Variants in TSHZ3 observed in about 807,000 individuals in gnomAD.
TSHZ3 encodes the protein teashirt zinc finger homeobox 3, also known as teashirt homolog 3.
In TSHZ3, 10 loss-of-function variants were observed where a neutral mutation model predicts 64.5. The ratio of observed to expected loss-of-function variants is 0.16; its 90% CI spans 0.10 to 0.26. The LOEUF (loss-of-function observed/expected upper bound fraction) is 0.26, where lower values mean the gene tolerates loss of function less well. Among genes scored for constraint, TSHZ3 ranks in the 10% least tolerant of loss-of-function variants. The pLI is 1.00. For missense variants in TSHZ3, 1,242 were observed against 1,421.7 expected (o/e 0.87, Z 2.03); for synonymous variants, 608 against 593.1 (o/e 1.03, Z -0.36).
rs1349481588 is a variant in TSHZ3 at position 31,294,837 on chromosome 19, G to A, written c.41-15085C>T. On this transcript the variant is annotated intron_variant, in intron 1 of 1. Coordinates refer to ENST00000240587, the MANE Select transcript of TSHZ3 (RefSeq NM_020856.4). ...CTTACCATCCATCACAAGGAAGAGA[G>A]ACAGAAAAGAGAGAGAGAAAAGAAA... 2.6e-5 allele frequency among the ~76,000 whole-genome samples: 4 copies of A among 152,122 alleles called. 1 individual carries two copies. Among genetic ancestry groups the A allele is most frequent in the Non-Finnish European group, 4.4e-5 (3 of 68,028 alleles).
intron 1 of TSHZ3, among the ~76,000 whole-genome samples, chr19:31,329,742 G>C (rs964379453): frequency 1.6e-4 from 24 of 152,216 alleles, no homozygotes; most frequent in African/African-American, 5.8e-4. Context: ...TGTGGAGAGA[G>C]AGGCAGGAAC....
intron 1 of TSHZ3, 200 bp downstream of exon 1, chr19:31,348,980 A>C: frequency 6.6e-6 from 4 of 604,272 alleles, no homozygotes; most frequent in South Asian, 2.3e-5. Flanking sequence ...GCGAGAGGGA[A>C]GAGGGCAGAG....
chr19:31,176,877 A>G (rs2145121128), intron 5 of TSHZ3, among the ~76,000 whole-genome samples: 1 of 152,336 alleles, frequency 6.6e-6, no homozygotes, highest in African/African-American at 2.4e-5. Flanking sequence ...GGAAGGACAG[A>G]AAGTACCAAG....
intron 3 of TSHZ3, among the ~76,000 whole-genome samples, chr19:31,240,393 T>A (rs1212918342): frequency 6.6e-6 from 1 of 152,086 alleles, no homozygotes; most frequent in African/African-American, 2.4e-5. Flanking sequence ...TTGAAAAAAA[T>A]CAAAAATTCT....
At chr19:31,290,873 C>T (rs997378006) in intron 1 of TSHZ3, among the ~76,000 whole-genome samples, 7 of 152,188 alleles carry the variant, frequency 4.6e-5, no homozygotes, top group Non-Finnish European at 8.8e-5. Context: ...TGACAACCTC[C>T]CCTAGATTGA....
intron 4 of TSHZ3, among the ~76,000 whole-genome samples, chr19:31,210,697 G>A (rs373313568): frequency 3.1e-4 from 47 of 152,190 alleles, no homozygotes; most frequent in African/African-American, 1.0e-3. Flanking sequence ...AGGAACCCAC[G>A]CGTACCACCA....
At chr19:31,341,995 A>G (rs1917451659) in intron 1 of TSHZ3, among the ~76,000 whole-genome samples, 1 of 152,244 alleles carries the variant, frequency 6.6e-6, no homozygotes, top group Non-Finnish European at 1.5e-5. Context: ...ACTGTCACCT[A>G]TGACCAAAAA....
chr19:31,174,456 A>G (rs1974581011), intron 5 of TSHZ3, among the ~76,000 whole-genome samples: 1 of 152,208 alleles, frequency 6.6e-6, no homozygotes, highest in Non-Finnish European at 1.5e-5. Context: ...CTAATAATTT[A>G]AATGTTAATC....
chr19:31,187,109 G>C (rs1170044629), intron 5 of TSHZ3, among the ~76,000 whole-genome samples: 1 of 152,000 alleles, frequency 6.6e-6, no homozygotes, highest in Non-Finnish European at 1.5e-5. Context: ...ATTACAATCA[G>C]GACACAGAGC....
intron 3 of TSHZ3, among the ~76,000 whole-genome samples, chr19:31,232,261 G>A (rs1443903515): frequency 1.3e-5 from 2 of 152,154 alleles, no homozygotes; most frequent in Non-Finnish European, 2.9e-5. Context: ...TCGAGGACAT[G>A]TTTGATGAGT....
intron 1 of TSHZ3, among the ~76,000 whole-genome samples, chr19:31,253,217 T>C (rs1301147385): frequency 6.6e-6 from 1 of 152,124 alleles, no homozygotes; most frequent in African/African-American, 2.4e-5. Context: ...TAGAGGGGCT[T>C]TAAATATCAC....
At chr19:31,243,017 A>C (rs907466912) in intron 1 of TSHZ3, among the ~76,000 whole-genome samples, 33 of 152,188 alleles carry the variant, frequency 2.2e-4, no homozygotes, top group African/African-American at 7.7e-4. Context: ...TCTCCTCCAG[A>C]AATACACTCA....
In TSHZ3 at chr19:31,187,354, T is replaced by C. The variant is rs532465826; in HGVS notation, n.809+17602A>G. Among the ~76,000 whole-genome samples, 3 of 152,312 alleles carry C rather than the reference T, an allele frequency of 2.0e-5. No individual in the cohort carries two copies. The East Asian group carries it at 5.8e-4, about 29-fold the overall frequency. The stretch of plus-strand genomic sequence containing the variant: ...GTATGTATCAGTAGTTCATTGATTT[T>C]TATTGCTGAGCAGAATTGCATTGTA... On this transcript the variant is annotated intron_variant and non_coding_transcript_variant, in intron 5 of 6. Transcript: ENST00000651361.
At chr19:31,314,645 T>C (rs1385375152) in intron 1 of TSHZ3, among the ~76,000 whole-genome samples, 1 of 152,252 alleles carries the variant, frequency 6.6e-6, no homozygotes, top group Non-Finnish European at 1.5e-5. Flanking sequence ...TTTATTCATA[T>C]GTGAGTGCAT....
chr19:31,248,221 G>A (rs1418790805), intron 1 of TSHZ3, among the ~76,000 whole-genome samples: 1 of 152,084 alleles, frequency 6.6e-6, no homozygotes, highest in East Asian at 1.9e-4. Flanking sequence ...AGATTGGGTG[G>A]GGACACAGCC....
chr19:31,206,076 A>AATGGATGG (rs58291208), intron 4 of TSHZ3, among the ~76,000 whole-genome samples: 11 of 145,558 alleles, frequency 7.6e-5, no homozygotes, highest in East Asian at 6.2e-4. Flanking sequence ...GGATGGGTGA[A>AATGGATGG]ATGGATGGAT....
chr19:31,170,380 C>T (rs1038857503), intron 5 of TSHZ3, among the ~76,000 whole-genome samples: 1 of 152,150 alleles, frequency 6.6e-6, no homozygotes, highest in Non-Finnish European at 1.5e-5. Context: ...TTATCTAAAC[C>T]TAATCGCCTC....
At chr19:31,213,184 C>T (rs908943513) in intron 4 of TSHZ3, among the ~76,000 whole-genome samples, 1 of 151,186 alleles carries the variant, frequency 6.6e-6, no homozygotes, top group Non-Finnish European at 1.5e-5. Flanking sequence ...GGTGAAACCC[C>T]GTCTCTACTA....
rs372232422 is a variant in TSHZ3, at chr19:31,238,255, AT to A, written n.550+4013del. On this transcript the variant is annotated intron_variant and non_coding_transcript_variant, in intron 3 of 6. Coordinates refer to the TSHZ3 transcript ENST00000651361. The stretch of plus-strand genomic sequence containing the variant: ...ATTTCTGTTAATGTTTCCTTCGTGA[AT>A]TTTTTTTTTTTTTTTTTGAGACAGA... 5.6e-3 allele frequency among the ~76,000 whole-genome samples: 754 copies of A among 134,520 alleles called. 4 individuals are homozygous for A. The highest frequency in any genetic ancestry group is 0.015 in the Middle Eastern group (4 of 266). 88.3% of individuals were successfully genotyped at this position (134,520 alleles called of 152,430 possible).
Sources: allele counts gnomAD v4.1 joint callset (sites outside exome capture counted in the v4.1 genomes callset), GRCh38; gene constraint gnomAD v4.1.1; transcripts MANE v1.5; gene names NCBI Gene and HGNC (gene_info 2026-07-23, HGNC 2026-07-21).